The following TRDN variants were observed in gnomAD, a reference collection of about 807,000 sequenced individuals.
The protein encoded by TRDN is triadin, also known as triadin in skeletal muscle.
In TRDN, 161 loss-of-function variants were observed where a neutral mutation model predicts 149.7. The observed-to-expected ratio is 1.08, with a 90% CI of 0.95 to 1.23. TRDN has a LOEUF of 1.23. Among genes scored for constraint, TRDN ranks in the 50% most tolerant of loss-of-function variants. The pLI is 0.00. For synonymous variants in TRDN, 294 were observed against 250.5 expected (o/e 1.17, Z -1.64); for missense variants, 896 against 823.5 (o/e 1.09, Z -1.08).
chr6:123,547,970 G>A (rs1781201112), intron 3 of TRDN, among the ~76,000 whole-genome samples: 2 of 151,896 alleles, frequency 1.3e-5, no homozygotes, highest in African/African-American at 2.4e-5. Flanking sequence ...CCACCATTTG[G>A]TCCAATAAAT....
chr6:123,380,861 G>C (rs1781690740), intron 16 of TRDN, among the ~76,000 whole-genome samples: 1 of 151,884 alleles, frequency 6.6e-6, no homozygotes, highest in South Asian at 2.1e-4. Flanking sequence ...CAGTGGATGA[G>C]GCTGAATAGC....
intron 27 of TRDN, 54 bp downstream of exon 27, chr6:123,274,587 A>T: frequency 6.6e-7 from 1 of 1,513,380 alleles, no homozygotes; most frequent in South Asian, 1.2e-5. Context: ...TTAGTACTTA[A>T]TAAAATAAAG....
At chr6:123,540,149 T>C (rs922564375) in intron 4 of TRDN, among the ~76,000 whole-genome samples, 5 of 152,222 alleles carry the variant, frequency 3.3e-5, no homozygotes, top group African/African-American at 7.2e-5. Flanking sequence ...GCCCATTTCA[T>C]AGGCCTTGAT....
chr6:123,494,850 C>G (rs771419334), intron 9 of TRDN, among the ~76,000 whole-genome samples: 40 of 152,044 alleles, frequency 2.6e-4, no homozygotes, highest in Non-Finnish European at 1.9e-4. Context: ...TCTCCTGCCT[C>G]AGCCTCCCAA....
intron 9 of TRDN, among the ~76,000 whole-genome samples, chr6:123,486,273 T>C (rs1454694952): frequency 6.6e-6 from 1 of 151,710 alleles, no homozygotes; most frequent in East Asian, 1.9e-4. Context: ...TTTTAACCAC[T>C]GTTGAATAGT....
intron 14 of TRDN, 51 bp from the exon 15 acceptor site, chr6:123,382,198 G>T: frequency 2.4e-6 from 3 of 1,270,496 alleles, no homozygotes; most frequent in Non-Finnish European, 3.2e-6. Context: ...TAAATCAACA[G>T]CTGATCAGCT....
intron 21 of TRDN, 197 bp downstream of exon 21, chr6:123,352,342 G>GT (rs1780492002): frequency 1.0e-6 from 1 of 984,976 alleles, no homozygotes; most frequent in Non-Finnish European, 1.2e-6. Flanking sequence ...GATATTCAAA[G>GT]TTCAGTTACA....
intron 12 of TRDN, among the ~76,000 whole-genome samples, chr6:123,414,294 C>T (rs1246752646): frequency 6.6e-6 from 1 of 152,014 alleles, no homozygotes; most frequent in African/African-American, 2.4e-5. Context: ...ACTGAAATGT[C>T]ATTAAAACAC....
chr6:123,498,838 C>G (rs1430039703), intron 8 of TRDN, among the ~76,000 whole-genome samples: 1 of 152,098 alleles, frequency 6.6e-6, no homozygotes, highest in Non-Finnish European at 1.5e-5. Flanking sequence ...GCAGTATGTT[C>G]CCTTTATTTC....
At chr6:123,600,220 G>A (rs1420021253) in intron 1 of TRDN, among the ~76,000 whole-genome samples, 2 of 152,000 alleles carry the variant, frequency 1.3e-5, no homozygotes, top group African/African-American at 4.8e-5. Context: ...ATTTATTCCA[G>A]GAGCATGTTT....
intron 22 of TRDN, among the ~76,000 whole-genome samples, chr6:123,334,911 G>A (rs964487922): frequency 6.6e-6 from 1 of 151,922 alleles, no homozygotes; most frequent in African/African-American, 2.4e-5. Context: ...ACATGCAGGC[G>A]GAATGTATGA....
chr6:123,563,407 T>G (rs1394882527), intron 2 of TRDN, among the ~76,000 whole-genome samples: 1 of 152,214 alleles, frequency 6.6e-6, no homozygotes, highest in African/African-American at 2.4e-5. Context: ...AGATGAAAAT[T>G]AGGGCATCAT....
intron 2 of TRDN, among the ~76,000 whole-genome samples, chr6:123,561,270 T>C (rs1710606411): frequency 6.6e-6 from 1 of 152,150 alleles, no homozygotes; most frequent in South Asian, 2.1e-4. Flanking sequence ...AACATTTATA[T>C]ACCTTACAAT....
chr6:123,450,044 C>A (rs1775671413), intron 10 of TRDN, among the ~76,000 whole-genome samples: 1 of 152,118 alleles, frequency 6.6e-6, no homozygotes, highest in Non-Finnish European at 1.5e-5. Flanking sequence ...TACCAAGCCA[C>A]CAGTACAAGA....
intron 10 of TRDN, chr6:123,462,263 G>C (rs1422141195): frequency 6.6e-6 from 1 of 152,150 alleles, no homozygotes; most frequent in East Asian, 1.9e-4. Flanking sequence ...CACGCAATGT[G>C]GGGACAACAC....
In TRDN at chr6:123,585,339, T is replaced by C. The variant is rs539508759; in HGVS notation, c.23-14207A>G. Among the ~76,000 whole-genome samples, 287 of 151,218 alleles carry C rather than the reference T, an allele frequency of 1.9e-3. 3 individuals carry two copies. Among genetic ancestry groups the C allele is most frequent in the East Asian group, 0.016 (81 of 5,128 alleles). On this transcript the variant is annotated intron_variant, in intron 1 of 40. Transcript: ENST00000334268. ...AGTATTGTCTAATTTGGCACCAGAGTTGGGGACTTTTAAGAGGTTTAGAAG... is the reference window on the plus strand; with the variant it reads ...AGTATTGTCTAATTTGGCACCAGAGCTGGGGACTTTTAAGAGGTTTAGAAG...
intron 2 of TRDN, among the ~76,000 whole-genome samples, chr6:123,558,642 T>C (rs1326836588): frequency 6.6e-6 from 1 of 152,222 alleles, no homozygotes. Flanking sequence ...TCAATATACA[T>C]TTTATTACCC....
In TRDN at chr6:123,310,796, C is replaced by CA. The variant is rs1376666303; in HGVS notation, c.1510+5660dup. Among the ~76,000 whole-genome samples the CA allele has an allele frequency of 2.6e-5, 4 of 151,806 alleles. No individual in the cohort carries two copies. In the East Asian group the frequency reaches 7.8e-4, roughly 29 times the overall value. On this transcript the variant is annotated intron_variant, in intron 24 of 40. Transcript: ENST00000334268. ...TTTCTGCCTGAACAGGTTTTTAATG[C>CA]AAAGGAAAGTGACCCATTTTGGAAA... is the stretch of plus-strand genomic sequence containing the variant.
intron 1 of TRDN, among the ~76,000 whole-genome samples, chr6:123,599,655 C>A (rs1583306464): frequency 6.6e-6 from 1 of 151,754 alleles, no homozygotes; most frequent in Admixed American, 6.6e-5. Flanking sequence ...ATTTGGAGCA[C>A]AAATGTATTT....
Sources: gnomAD v4.1 joint callset for allele counts (sites outside exome capture counted in the v4.1 genomes callset) on GRCh38, gnomAD v4.1.1 for gene constraint, MANE v1.5 for transcripts, NCBI Gene and HGNC (gene_info 2026-07-23, HGNC 2026-07-21) for gene names.